Variants in PHF21A observed in about 807,000 individuals in gnomAD.
PHF21A encodes PHD finger protein 21A, also known as BHC80a.
PHF21A carries 11 observed loss-of-function variants against 82.5 expected under a neutral mutation model. The observed-to-expected ratio is 0.13, with a 90% CI of 0.08 to 0.22. The LOEUF is 0.22. Ranked by LOEUF, PHF21A falls within the 10% of genes least tolerant of loss-of-function variation. The pLI is 1.00. For synonymous variants in PHF21A, 297 were observed against 302.8 expected, an observed-to-expected ratio of 0.98 and a Z score of 0.20; for missense variants, 579 against 837.8, an observed-to-expected ratio of 0.69 and a Z score of 3.81.
At chr11:45,950,095 A>G (rs1336679716) in intron 12 of PHF21A, 111 bp downstream of exon 12, 1 of 847,332 alleles carries the variant, frequency 1.2e-6, no homozygotes, top group South Asian at 1.8e-5. Context: ...TGGCTGAATC[A>G]TACTCTATTT....
At chr11:45,970,153 G>T in intron 8 of PHF21A, 1 of 398,620 alleles carries the variant, frequency 2.5e-6, no homozygotes, top group Non-Finnish European at 4.5e-6. Flanking sequence ...AGCAGGCTCA[G>T]TAAATCTTAG....
chr11:46,024,177 C>T (rs2095691774), intron 6 of PHF21A, among the ~76,000 whole-genome samples: 1 of 152,118 alleles, frequency 6.6e-6, no homozygotes, highest in African/African-American at 2.4e-5. Flanking sequence ...TTTCTTTCTC[C>T]TCCTTCCCAT....
At chr11:46,001,021 C>T (rs2095108378) in intron 6 of PHF21A, among the ~76,000 whole-genome samples, 1 of 151,958 alleles carries the variant, frequency 6.6e-6, no homozygotes, top group African/African-American at 2.4e-5. Flanking sequence ...TATTCAAAAC[C>T]TATGTTAAAA....
chr11:46,102,429 T>C (rs1303895078), intron 1 of PHF21A, among the ~76,000 whole-genome samples: 9 of 152,240 alleles, frequency 5.9e-5, no homozygotes, highest in Admixed American at 5.2e-4. Context: ...AAAAGATCAA[T>C]ATATAATAAG....
intron 6 of PHF21A, among the ~76,000 whole-genome samples, chr11:45,985,127 A>T (rs1040854756): frequency 2.6e-5 from 4 of 152,202 alleles, no homozygotes; most frequent in African/African-American, 9.7e-5. Flanking sequence ...ACCTGGAGAA[A>T]TGTTTATTTG....
chr11:45,949,569 T>C, intron 12 of PHF21A, 88 bp from the exon 13 acceptor site: 1 of 1,104,144 alleles, frequency 9.1e-7, no homozygotes, highest in South Asian at 1.3e-5. Flanking sequence ...GGTTTTCCCA[T>C]AAGAAATCAG....
chr11:45,950,220 T>C lies in PHF21A; in HGVS notation c.1133A>G (p.His378Arg). 1 of 1,609,720 alleles carries C rather than the reference T, an allele frequency of 6.2e-7. No individual in the cohort carries two copies. The change falls in exon 12 of 19, where the codon CAT becomes CGT. Residue 378 changes from histidine to arginine, a missense_variant. Coordinates refer to ENST00000676320, the MANE Select transcript of PHF21A (RefSeq NM_001352027.3). ...AFMVSLGLVT[H>R]DHLEEIQSKR... ...TCTTCTCTTACCTTCTAGATGGTCA[T>C]GTGTTACCAACCCTAGAGACACCAT...
At chr11:45,975,740 C>T (rs1206488089) in intron 7 of PHF21A, among the ~76,000 whole-genome samples, 3 of 152,118 alleles carry the variant, frequency 2.0e-5, no homozygotes, top group African/African-American at 4.8e-5. Context: ...CATGAGTTGA[C>T]GTTAACTAAG....
At chr11:46,081,235 C>A (rs964702332) in intron 4 of PHF21A, among the ~76,000 whole-genome samples, 11 of 152,150 alleles carry the variant, frequency 7.2e-5, no homozygotes, top group African/African-American at 2.7e-4. Flanking sequence ...GTATGTGTCA[C>A]TATATGACTT....
chr11:45,965,498 G>C lies in PHF21A; in HGVS notation c.813C>G (p.Thr271=), dbSNP rs1361532886. The C allele has an allele frequency of 6.2e-7, 1 of 1,613,408 alleles. No homozygotes were observed. The highest frequency in any genetic ancestry group is 1.7e-5 in the Admixed American group (1 of 59,982). Residue 271 remains threonine, a synonymous_variant, in exon 10 of 19, where the codon ACC becomes ACG. Transcript: ENST00000676320. ...IQRPVMLTKF[T]PTTLPTSQNS... is the part of the protein sequence containing the mutation. ...TCTGGGATGTGGGAAGGGTTGTGGG[G>C]GTGAACTTGGTCAGCATGACGGGCC...
At chr11:46,096,476 TAA>T (rs1202478698) in intron 1 of PHF21A, among the ~76,000 whole-genome samples, 1 of 152,178 alleles carries the variant, frequency 6.6e-6, no homozygotes, top group African/African-American at 2.4e-5. Context: ...ACCAATGATT[TAA>T]CAGTTGTTAA....
At chr11:46,076,930 T>C (rs1247342849) in intron 5 of PHF21A, 111 bp from the exon 6 acceptor site, 5 of 806,810 alleles carry the variant, frequency 6.2e-6, no homozygotes, top group African/African-American at 5.1e-5. Context: ...CCGAAGCATT[T>C]AGCCAATCAA....
chr11:46,015,023 A>T lies in PHF21A; in HGVS notation c.154-35057T>A, dbSNP rs572890126. 3.7e-4 allele frequency among the ~76,000 whole-genome samples: 17 copies of T among 45,998 alleles called. 7 individuals carry two copies. Among genetic ancestry groups the T allele is most frequent in the East Asian group, 8.4e-3 (2 of 238 alleles). 30.2% of individuals were successfully genotyped at this position (45,998 alleles called of 152,430 possible). ...AAATAAAAAAATAAAAAAAAATAAA[A>T]AAATAAAAAATAGTTATTCTGACTG... On this transcript the variant is annotated intron_variant, in intron 6 of 18. Transcript: ENST00000676320.
chr11:46,065,100 T>C (rs1237223055), intron 6 of PHF21A, among the ~76,000 whole-genome samples: 1 of 152,228 alleles, frequency 6.6e-6, no homozygotes, highest in Non-Finnish European at 1.5e-5. Flanking sequence ...TGAATATCCA[T>C]TCTTCTCCAC....
chr11:45,930,911 C>CG lies in PHF21A; in HGVS notation c.*3056_*3057insC, dbSNP rs981632933. 2 of 150,970 alleles carry CG rather than the reference C, an allele frequency of 1.3e-5. No homozygotes were observed. The highest frequency in any genetic ancestry group is 2.1e-4 in the South Asian group (1 of 4,674). 9.4% of individuals were successfully genotyped at this position (150,970 alleles called of 1,614,324 possible). ...ATGTCTCAGGTGGTCACAGGCCCCC[C>CG]CCCCTCCCCGCCCAGGTCTGAGGGG... On this transcript the variant is annotated 3_prime_UTR_variant, in exon 19 of 19. Coordinates refer to ENST00000676320, the MANE Select transcript of PHF21A (RefSeq NM_001352027.3).
At chr11:45,935,390 A>G (rs1431805882) in intron 18 of PHF21A, 14 of 770,760 alleles carry the variant, frequency 1.8e-5, no homozygotes, top group Non-Finnish European at 2.9e-5. Context: ...AAGACTGAAA[A>G]TCCTCTCTCT....
chr11:46,033,024 T>C (rs1310431946), intron 6 of PHF21A, among the ~76,000 whole-genome samples: 4 of 152,204 alleles, frequency 2.6e-5, no homozygotes, highest in Non-Finnish European at 4.4e-5. Context: ...TAGTTACTAT[T>C]CTGAATTTCT....
At chr11:46,100,454 T>TTGCAGTGAGCCG (rs2097079023) in intron 1 of PHF21A, among the ~76,000 whole-genome samples, 1 of 152,196 alleles carries the variant, frequency 6.6e-6, no homozygotes, top group African/African-American at 2.4e-5. Flanking sequence ...GAATAAGTTT[T>TTGCAGTGAGCCG]ATTTTAGAAA....
At chr11:46,029,742 A>C (rs2095828260) in intron 6 of PHF21A, among the ~76,000 whole-genome samples, 1 of 152,108 alleles carries the variant, frequency 6.6e-6, no homozygotes, top group Non-Finnish European at 1.5e-5. Context: ...CCTAGCAATA[A>C]ATTTCATGTC....
Sources: gnomAD v4.1 joint callset for allele counts (sites outside exome capture counted in the v4.1 genomes callset) on GRCh38, gnomAD v4.1.1 for gene constraint, MANE v1.5 for transcripts, NCBI Gene and HGNC (gene_info 2026-07-23, HGNC 2026-07-21) for gene names.